Variants in NECAB1 observed in about 807,000 individuals in gnomAD.
The protein encoded by NECAB1 is N-terminal EF-hand calcium binding protein 1, also known as N-terminal EF-hand calcium-binding protein 1.
In NECAB1, 29 loss-of-function variants were observed where a neutral mutation model predicts 57.5. That is an observed-to-expected ratio of 0.50 (90% CI 0.38 to 0.69). NECAB1 has a LOEUF of 0.69. Ranked by LOEUF, NECAB1 falls within the 30% of genes least tolerant of loss-of-function variation. The pLI is 0.00. For missense variants in NECAB1, 372 were observed against 413.8 expected, an observed-to-expected ratio of 0.90 and a Z score of 0.88; for synonymous variants, 142 against 147.7, an observed-to-expected ratio of 0.96 and a Z score of 0.28.
intron 2 of NECAB1, among the ~76,000 whole-genome samples, chr8:90,821,198 T>C (rs1812139195): frequency 6.6e-6 from 1 of 151,794 alleles, no homozygotes; most frequent in Non-Finnish European, 1.5e-5. Context: ...ACTCCACAGG[T>C]ACCCCCAATC....
intron 1 of NECAB1, among the ~76,000 whole-genome samples, chr8:90,801,278 A>G (rs1325068384): frequency 1.3e-5 from 2 of 152,170 alleles, no homozygotes; most frequent in Non-Finnish European, 2.9e-5. Context: ...GCCCATTCCT[A>G]GGAAGCTTAA....
At chr8:90,797,585 C>T (rs1811684144) in intron 1 of NECAB1, among the ~76,000 whole-genome samples, 1 of 152,146 alleles carries the variant, frequency 6.6e-6, no homozygotes, top group African/African-American at 2.4e-5. Flanking sequence ...AAAAAGTCAT[C>T]CTCAAGGGCC....
At chr8:90,797,213 CT>C (rs1563489777) in intron 1 of NECAB1, among the ~76,000 whole-genome samples, 6 of 152,154 alleles carry the variant, frequency 3.9e-5, no homozygotes, top group African/African-American at 1.4e-4. Context: ...ATAACTCTTA[CT>C]ATTGAAAGCA....
intron 3 of NECAB1, among the ~76,000 whole-genome samples, chr8:90,827,117 A>T (rs549846029): frequency 6.6e-6 from 1 of 152,042 alleles, no homozygotes; most frequent in Non-Finnish European, 1.5e-5. Flanking sequence ...GAAGCAACTG[A>T]TAACTTTTAT....
At chr8:90,901,554 C>T (rs183250978) in intron 5 of NECAB1, among the ~76,000 whole-genome samples, 3 of 152,284 alleles carry the variant, frequency 2.0e-5, no homozygotes, top group Admixed American at 6.5e-5. Context: ...CTAGTCTAGC[C>T]GAGGAGAGCT....
intron 5 of NECAB1, 140 bp from the exon 6 acceptor site, chr8:90,917,352 C>T (rs1431792274): frequency 1.4e-5 from 9 of 629,008 alleles, no homozygotes; most frequent in East Asian, 6.1e-5. Context: ...CTCCAGGGCT[C>T]GACAGATCTT....
chr8:90,809,502 G>T (rs1811915158), intron 2 of NECAB1, among the ~76,000 whole-genome samples: 1 of 152,228 alleles, frequency 6.6e-6, no homozygotes, highest in Non-Finnish European at 1.5e-5. Context: ...AAATGCATTT[G>T]ATACTTTTGG....
At chr8:90,851,124 A>G (rs746604707) in intron 3 of NECAB1, among the ~76,000 whole-genome samples, 3 of 152,228 alleles carry the variant, frequency 2.0e-5, no homozygotes, top group Non-Finnish European at 4.4e-5. Context: ...GTTTGTGAAC[A>G]CATGCAGGTT....
chr8:90,791,790 C>T lies in NECAB1; in HGVS notation c.-97C>T. ...AGCGAACACCCTCCCGGATCCAGAG[C>T]CCGGCGGCGGCGAAGCAGCAGCTGC... On this transcript the variant is annotated 5_prime_UTR_variant, in exon 1 of 13. Coordinates refer to ENST00000417640, the MANE Select transcript of NECAB1 (RefSeq NM_022351.5). 1 of 945,678 alleles carries T rather than the reference C, an allele frequency of 1.1e-6. No individual in the cohort carries two copies. Among genetic ancestry groups the T allele is most frequent in the Non-Finnish European group, 1.6e-6 (1 of 625,406 alleles). 58.6% of individuals were successfully genotyped at this position (945,678 alleles called of 1,614,324 possible).
Position 90,888,581 on chromosome 8 carries a change from C to G in NECAB1, c.357+7451C>G, listed in dbSNP as rs77272579. ...CAGTTATTATCATGTTGAAGTTGTTCTTTCCCATTTTTATTTACAAAAAGG... is the reference window on the plus strand; with the variant it reads ...CAGTTATTATCATGTTGAAGTTGTTGTTTCCCATTTTTATTTACAAAAAGG... On this transcript the variant is annotated intron_variant, in intron 5 of 12. Transcript: ENST00000417640. Among the ~76,000 whole-genome samples, 295 of 152,260 alleles carry G rather than the reference C, an allele frequency of 1.9e-3. 1 individual carries two copies. Among genetic ancestry groups the G allele is most frequent in the Middle Eastern group, 6.8e-3 (2 of 294 alleles).
At chr8:90,954,399 T>C (rs1810979352) in intron 12 of NECAB1, among the ~76,000 whole-genome samples, 1 of 152,030 alleles carries the variant, frequency 6.6e-6, no homozygotes. Flanking sequence ...TACTGGAATA[T>C]GGCAGCCCAA....
chr8:90,864,981 C>T (rs1396380552), intron 3 of NECAB1, among the ~76,000 whole-genome samples: 1 of 151,886 alleles, frequency 6.6e-6, no homozygotes, highest in African/African-American at 2.4e-5. Context: ...GTGGGTTAGA[C>T]TGGGGTGGGG....
At chr8:90,897,641 C>CA (rs747175935) in intron 5 of NECAB1, among the ~76,000 whole-genome samples, 42 of 152,042 alleles carry the variant, frequency 2.8e-4, no homozygotes, top group Non-Finnish European at 5.4e-4. Flanking sequence ...CAAAGTAAAA[C>CA]AAAAAACTAT....
At chr8:90,916,782 C>T (rs1809963466) in intron 5 of NECAB1, among the ~76,000 whole-genome samples, 1 of 152,122 alleles carries the variant, frequency 6.6e-6, no homozygotes, top group South Asian at 2.1e-4. Flanking sequence ...GTAAGCTTGG[C>T]AAGTACACTT....
At chr8:90,951,917 T>C (rs1810930754) in intron 12 of NECAB1, among the ~76,000 whole-genome samples, 1 of 152,072 alleles carries the variant, frequency 6.6e-6, no homozygotes, top group Admixed American at 6.5e-5. Context: ...AAAGTAAAGA[T>C]GGAGAGGAAG....
At chr8:90,892,574 G>A (rs1456391370) in intron 5 of NECAB1, among the ~76,000 whole-genome samples, 1 of 152,108 alleles carries the variant, frequency 6.6e-6, no homozygotes, top group Admixed American at 6.5e-5. Context: ...GTTGCCTTGT[G>A]CTCTTTGCTT....
chr8:90,796,766 G>T (rs915897476), intron 1 of NECAB1, among the ~76,000 whole-genome samples: 4 of 152,284 alleles, frequency 2.6e-5, no homozygotes, highest in Admixed American at 2.6e-4. Context: ...TTCTCATCCG[G>T]AGTACATTTT....
chr8:90,915,279 C>CT (rs1809924168), intron 5 of NECAB1, among the ~76,000 whole-genome samples: 1 of 151,972 alleles, frequency 6.6e-6, no homozygotes, highest in African/African-American at 2.4e-5. Context: ...TCAAACACAC[C>CT]TTTTTTTCTA....
chr8:90,855,997 T>TC (rs1168923077), intron 3 of NECAB1, among the ~76,000 whole-genome samples: 1 of 152,010 alleles, frequency 6.6e-6, no homozygotes, highest in Non-Finnish European at 1.5e-5. Context: ...TGATAGGGAG[T>TC]CCGGGGGGTA....
Sources: allele counts gnomAD v4.1 joint callset (sites outside exome capture counted in the v4.1 genomes callset), GRCh38; gene constraint gnomAD v4.1.1; transcripts MANE v1.5; gene names NCBI Gene and HGNC (gene_info 2026-07-23, HGNC 2026-07-21).